EME2: variants seen among roughly 807,000 people sequenced by gnomAD.
The protein encoded by EME2 is essential meiotic structure-specific endonuclease subunit 2, also known as structure-specific endonuclease subunit EME2.
EME2 carries 58 observed loss-of-function variants against 41.9 expected under a neutral mutation model. That is an observed-to-expected ratio of 1.38 (90% CI 1.12 to 1.72). The LOEUF (loss-of-function observed/expected upper bound fraction) is 1.72, where lower values mean the gene tolerates loss of function less well. EME2 is among the 40% of genes most tolerant of loss of function. The pLI is 0.00. For missense variants in EME2, 695 were observed against 541.9 expected (o/e 1.28, Z -2.81); for synonymous variants, 334 against 239.3 (o/e 1.40, Z -3.65).
In EME2 at chr16:1,779,979, C is replaced by T. The variant is rs887268070; in HGVS notation, c.*3741C>T. ...TAAGGACCCTGTTTCCCAATTTGCC[C>T]CCAAGGCCTAATGGACCCACCGGGC... On this transcript the variant is annotated 3_prime_UTR_variant, in exon 8 of 8. Coordinates refer to ENST00000568449, the MANE Select transcript of EME2 (RefSeq NM_001257370.2). 6.6e-6 allele frequency: 1 copy of T among 152,194 alleles called. No individual in the cohort carries two copies. The highest frequency in any genetic ancestry group is 1.5e-5 in the Non-Finnish European group (1 of 68,060). 9.4% of individuals were successfully genotyped at this position (152,194 alleles called of 1,614,324 possible).
rs1191817247 is a variant in EME2, at chr16:1,781,488, G to GA, written c.*5253dup. On this transcript the variant is annotated 3_prime_UTR_variant, in exon 8 of 8. Transcript: ENST00000568449. ...GTTCCGGGGGCGTCTGGCCATGGTG[G>GA]AAAGAATCTAGAAGAAAACACAGGC... is the stretch of plus-strand genomic sequence containing the variant. The GA allele has an allele frequency of 1.9e-6, 3 of 1,611,686 alleles. No homozygotes were observed. The highest frequency in any genetic ancestry group is 1.7e-6 in the Non-Finnish European group (2 of 1,179,526).
chr16:1,776,365 G>T lies in EME2; in HGVS notation c.*127G>T. On this transcript the variant is annotated 3_prime_UTR_variant, in exon 8 of 8. Coordinates refer to ENST00000568449, the MANE Select transcript of EME2 (RefSeq NM_001257370.2). ...GTGGGTTCTCTGGCTGAGCAGGTCT[G>T]ACCTCAGGGGAAGGGTGGGTGGTTG... 5 of 853,496 alleles carry T rather than the reference G, an allele frequency of 5.9e-6. No individual in the cohort carries two copies. Among genetic ancestry groups the T allele is most frequent in the South Asian group, 5.0e-5 (3 of 60,150 alleles). The allele number at this position is 853,496 out of a possible 1,614,324, so 52.9% of individuals were successfully genotyped here. A position where few individuals can be genotyped will look rare whatever the true frequency, so the allele number is the denominator to read the frequency against.
intron 2 of EME2, 37 bp downstream of exon 2, chr16:1,773,878 T>G (rs1184928263): frequency 6.6e-7 from 1 of 1,508,288 alleles, no homozygotes; most frequent in East Asian, 2.4e-5. Context: ...CAGCCGCGAG[T>G]TGGCTGTTTT....
chr16:1,772,976 G>A lies in EME2; in HGVS notation c.-252G>A, dbSNP rs1021652235. ...CGGCCCAGGCCCGGACCGGCAGCCG[G>A]CGTCCAGAGAACGGCCGCGTCAAGG... is the stretch of plus-strand genomic sequence containing the variant. On this transcript the variant is annotated 5_prime_UTR_variant, in exon 1 of 8. Coordinates refer to ENST00000568449, the MANE Select transcript of EME2 (RefSeq NM_001257370.2). The A allele has an allele frequency of 6.2e-6, 9 of 1,449,906 alleles. No homozygotes were observed. The highest frequency in any genetic ancestry group is 3.7e-4 in the Middle Eastern group (2 of 5,372). 89.8% of individuals were successfully genotyped at this position (1,449,906 alleles called of 1,614,324 possible).
Position 1,774,330 on chromosome 16 carries a change from A to G in EME2, c.455A>G (p.Gln152Arg), listed in dbSNP as rs1456863882. Reference protein sequence around the residue: ...LLLLEPEEFLQGVATLTQISG... With the variant: ...LLLLEPEEFLRGVATLTQISG... ...CTGCTGGAGCCCGAGGAGTTTCTGC[A>G]GGGCGTCGCCACACTGACCCAGGTG... Residue 152 changes from glutamine (Q) to arginine (R), a missense_variant, in exon 3 of 8, where the codon CAG becomes CGG. Gln to Arg is a conservative substitution (Grantham distance 43). Coordinates refer to ENST00000568449, the MANE Select transcript of EME2 (RefSeq NM_001257370.2). 1.9e-6 allele frequency: 3 copies of G among 1,612,772 alleles called. No individual in the cohort carries two copies. The highest frequency in any genetic ancestry group is 1.6e-4 in the Middle Eastern group (1 of 6,062).
rs780787493 is a variant in EME2 at position 1,778,228 on chromosome 16, CAGCTGTACTCCATGTGGA to C, written c.*1996_*2013del. ...GGTGCCCCGGATGGCCGCTGTGCCGCAGCTGTACTCCATGTGGAAGCTGACCTTACGGTTGTCACAGCT... is the reference window on the plus strand; with the variant it reads ...GGTGCCCCGGATGGCCGCTGTGCCGCAGCTGACCTTACGGTTGTCACAGCT... On this transcript the variant is annotated 3_prime_UTR_variant, in exon 8 of 8. Coordinates refer to ENST00000568449, the MANE Select transcript of EME2 (RefSeq NM_001257370.2). The C allele has an allele frequency of 6.2e-7, 1 of 1,613,008 alleles. No individual in the cohort carries two copies. The highest frequency in any genetic ancestry group is 1.1e-5 in the South Asian group (1 of 91,084).
rs911312351 is a variant in EME2 at position 1,780,726 on chromosome 16, G to T, written c.*4488G>T. 4.9e-5 allele frequency: 8 copies of T among 164,246 alleles called. No homozygotes were observed. The highest frequency in any genetic ancestry group is 1.8e-4 in the East Asian group (1 of 5,538). The allele number at this position is 164,246 out of a possible 1,614,324, so 10.2% of individuals were successfully genotyped here. A position where few individuals can be genotyped will look rare whatever the true frequency, so the allele number is the denominator to read the frequency against. On this transcript the variant is annotated 3_prime_UTR_variant, in exon 8 of 8. Coordinates refer to ENST00000568449, the MANE Select transcript of EME2 (RefSeq NM_001257370.2). ...CCAGAAATGGGCTGGGTAAACCAAA[G>T]AATTTTTTTGTTTTTGTTTTTTTTG...
chr16:1,778,363 TG>T lies in EME2; in HGVS notation c.*2129del. On this transcript the variant is annotated 3_prime_UTR_variant, in exon 8 of 8. Transcript: ENST00000568449. ...GGCTGGGGCAGCCCTGAGAGCTCCA[TG>T]GGGCTCTGCCCTGCCCACCCCCAGG... 1 of 1,610,442 alleles carries T rather than the reference TG, an allele frequency of 6.2e-7. No individual in the cohort carries two copies. The highest frequency in any genetic ancestry group is 8.5e-7 in the Non-Finnish European group (1 of 1,179,482).
At position 1,777,153 on chromosome 16, in the gene EME2, G is replaced by A; in HGVS notation, c.*915G>A. On this transcript the variant is annotated 3_prime_UTR_variant, in exon 8 of 8. Coordinates refer to ENST00000568449, the MANE Select transcript of EME2 (RefSeq NM_001257370.2). ...GGCCGAGGCTCGCGACTGCTGGGGT[G>A]GGCGGAGGTCGCTGCCTGGGGATCG... 2 of 1,611,364 alleles carry A rather than the reference G, an allele frequency of 1.2e-6. No individual in the cohort carries two copies. The highest frequency in any genetic ancestry group is 1.7e-6 in the Non-Finnish European group (2 of 1,179,854).
At position 1,776,274 on chromosome 16, in the gene EME2, G is replaced by A. The variant is rs370080320; in HGVS notation, c.*36G>A. On this transcript the variant is annotated 3_prime_UTR_variant, in exon 8 of 8. Coordinates refer to ENST00000568449, the MANE Select transcript of EME2 (RefSeq NM_001257370.2). ...GACCACCAGGACAGCATGCAGCCTT[G>A]GGGACAGACCAGACACCCTGGGCGG... 1 of 1,606,416 alleles carries A rather than the reference G, an allele frequency of 6.2e-7. No individual in the cohort carries two copies.
chr16:1,775,446 G>A (rs753425550), intron 5 of EME2, 38 bp downstream of exon 5: 17 of 1,606,138 alleles, frequency 1.1e-5, no homozygotes, highest in Non-Finnish European at 1.4e-5. Flanking sequence ...CAGGTGGCCT[G>A]GGTCCCAGTG....
Position 1,777,485 on chromosome 16 carries a change from G to C in EME2, c.*1247G>C. On this transcript the variant is annotated 3_prime_UTR_variant, in exon 8 of 8. Coordinates refer to ENST00000568449, the MANE Select transcript of EME2 (RefSeq NM_001257370.2). ...CAGCCTGAACCCCAGGCAGGGAAGGGGCCAGCTACTGGGCGCAGCCCCTCA... is the reference window on the plus strand; with the variant it reads ...CAGCCTGAACCCCAGGCAGGGAAGGCGCCAGCTACTGGGCGCAGCCCCTCA... The C allele has an allele frequency of 6.9e-7, 1 of 1,456,000 alleles. No individual in the cohort carries two copies. Among genetic ancestry groups the C allele is most frequent in the Non-Finnish European group, 9.1e-7 (1 of 1,104,738 alleles). 90.2% of individuals were successfully genotyped at this position (1,456,000 alleles called of 1,614,324 possible). A position where few individuals can be genotyped will look rare whatever the true frequency, so the allele number is the denominator to read the frequency against.
rs114640322 is a variant in EME2, at chr16:1,775,889, C to T, written c.872C>T (p.Ala291Val). ...GCAAGAGACGGCGCAGGGCTGCAGG[C>T]GGCCTGGCGGAGGCAGATCAGGCAG... ...PVARDGAGLQAAWRRQIRQFS... is the reference protein window; with the variant it reads ...PVARDGAGLQVAWRRQIRQFS... The change falls in exon 7 of 8, where the codon GCG becomes GTG. Residue 291 changes from alanine to valine, a missense_variant. Ala to Val is a moderately conservative substitution (Grantham distance 64). Coordinates refer to ENST00000568449, the MANE Select transcript of EME2 (RefSeq NM_001257370.2). 1,658 of 1,612,484 alleles carry T rather than the reference C, an allele frequency of 1.0e-3. 6 individuals are homozygous for T. The African/African-American group carries it at 0.014, about 13-fold the overall frequency.
At position 1,775,964 on chromosome 16, in the gene EME2, C is replaced by A; in HGVS notation, c.947C>A (p.Pro316His). 6.2e-7 allele frequency: 1 copy of A among 1,609,356 alleles called. No individual in the cohort carries two copies. Among genetic ancestry groups the A allele is most frequent in the African/African-American group, 1.3e-5 (1 of 75,030 alleles). The change falls in exon 7 of 8, where the codon CCC (proline) becomes CAC (histidine). Residue 316 changes from proline (P) to histidine (H), a missense_variant. Pro to His is a moderately conservative substitution (Grantham distance 77, BLOSUM62 -2). Coordinates refer to ENST00000568449, the MANE Select transcript of EME2 (RefSeq NM_001257370.2). ...GCTGATGCAGTTGTCACAGCCTTCCCCTCCCCCCGCCTTCTGCAGCAGGTG... is the reference window on the plus strand; with the variant it reads ...GCTGATGCAGTTGTCACAGCCTTCCACTCCCCCCGCCTTCTGCAGCAGGTG... Reference protein sequence around the residue: ...AVADAVVTAFPSPRLLQQALE... With the variant: ...AVADAVVTAFHSPRLLQQALE...
In EME2 at chr16:1,781,341, C is replaced by T. The variant is rs548760015; in HGVS notation, c.*5103C>T. On this transcript the variant is annotated 3_prime_UTR_variant, in exon 8 of 8. Transcript: ENST00000568449. ...CACCTTAGGCCAGCCACGTCCGCCT[C>T]GCCCGCTGGAACCTACCTGCCCATC... 1.2e-5 allele frequency: 20 copies of T among 1,612,798 alleles called. No individual in the cohort carries two copies. The highest frequency in any genetic ancestry group is 3.3e-5 in the Admixed American group (2 of 60,000).
chr16:1,773,018 G>A lies in EME2; in HGVS notation c.-210G>A, dbSNP rs773310882. The A allele has an allele frequency of 2.1e-6, 3 of 1,452,414 alleles. No homozygotes were observed. Among genetic ancestry groups the A allele is most frequent in the Non-Finnish European group, 2.7e-6 (3 of 1,103,460 alleles). The allele number at this position is 1,452,414 out of a possible 1,614,324, so 90.0% of individuals were successfully genotyped here. A position where few individuals can be genotyped will look rare whatever the true frequency, so the allele number is the denominator to read the frequency against. ...GCGTCAAGGTCTCGTAGTCCACCGC[G>A]TAGAGCTGGGAGTCGCGCGGCCTGT... On this transcript the variant is annotated 5_prime_UTR_variant, in exon 1 of 8. Coordinates refer to ENST00000568449, the MANE Select transcript of EME2 (RefSeq NM_001257370.2).
At position 1,773,174 on chromosome 16, in the gene EME2, C is replaced by G. The variant is rs1004356275; in HGVS notation, c.-54C>G. On this transcript the variant is annotated 5_prime_UTR_variant, in exon 1 of 8. Transcript: ENST00000568449. ...GGAAGTCACCGGAAGAGGCCGGTGTCCCAGGCTAAAGTGTTCGGTCGCGGC... is the reference window on the plus strand; with the variant it reads ...GGAAGTCACCGGAAGAGGCCGGTGTGCCAGGCTAAAGTGTTCGGTCGCGGC... 3.5e-6 allele frequency: 5 copies of G among 1,419,986 alleles called. No individual in the cohort carries two copies. Among genetic ancestry groups the G allele is most frequent in the Non-Finnish European group, 4.6e-6 (5 of 1,094,992 alleles). 88.0% of individuals were successfully genotyped at this position (1,419,986 alleles called of 1,614,324 possible). A position where few individuals can be genotyped will look rare whatever the true frequency, so the allele number is the denominator to read the frequency against.
rs558383127 is a variant in EME2, at chr16:1,773,682, G to A, written c.248-23G>A. The A allele has an allele frequency of 3.2e-5, 49 of 1,547,864 alleles. No homozygotes were observed. The South Asian group carries it at 5.5e-4, about 17-fold the overall frequency. ...GCGAGGGTGGAAGGAAGCAGTGACC[G>A]CGCTCCTCTCCCCCGGTCCCAGCCA... On this transcript the variant is annotated intron_variant, in intron 1 of 7. Transcript: ENST00000568449.
At position 1,776,125 on chromosome 16, in the gene EME2, G is replaced by C. The variant is rs554266327; in HGVS notation, c.1027G>C (p.Val343Leu). ...CATGGGCCTCCTGGCCGACCTTCCT[G>C]TGCCGCCCAGTGAAGGCGGGCGTCC... ...ERMGLLADLP[V>L]PPSEGGRPRR... The change falls in exon 8 of 8, where the codon GTG (valine) becomes CTG (leucine). Residue 343 changes from valine to leucine, a missense_variant. Transcript: ENST00000568449. 2 of 1,612,096 alleles carry C rather than the reference G, an allele frequency of 1.2e-6. No homozygotes were observed. The highest frequency in any genetic ancestry group is 1.7e-6 in the Non-Finnish European group (2 of 1,179,836).
Sources: gnomAD v4.1 joint callset for allele counts on GRCh38, gnomAD v4.1.1 for gene constraint, MANE v1.5 for transcripts, NCBI Gene and HGNC (gene_info 2026-07-23, HGNC 2026-07-21) for gene names.